CYFIP2: variants seen among roughly 807,000 people sequenced by gnomAD.
The protein encoded by CYFIP2 is cytoplasmic FMR1-interacting protein 2.
Under a neutral mutation model 158.7 loss-of-function variants are expected in CYFIP2, and 29 were observed. The ratio of observed to expected loss-of-function variants is 0.18; its 90% CI spans 0.14 to 0.25. CYFIP2 has a LOEUF of 0.25. CYFIP2 is among the 10% of genes least tolerant of loss of function. The pLI is 1.00. For synonymous variants in CYFIP2, 585 were observed against 617.6 expected (o/e 0.95, Z 0.78); for missense variants, 852 against 1,639.5 (o/e 0.52, Z 8.29).
intron 1 of CYFIP2, among the ~76,000 whole-genome samples, chr5:157,278,848 A>G (rs1756766803): frequency 6.6e-6 from 1 of 152,250 alleles, no homozygotes; most frequent in Non-Finnish European, 1.5e-5. Flanking sequence ...GGAGTCACTC[A>G]TGCTAAATGC....
intron 5 of CYFIP2, among the ~76,000 whole-genome samples, 177 bp from the exon 6 acceptor site, chr5:157,300,533 CAAAAA>C (rs72316432): frequency 8.3e-6 from 1 of 121,208 alleles, no homozygotes. Flanking sequence ...GACTCCGTCT[CAAAAA>C]AAAAAAAAAA....
At chr5:157,270,241 T>G (rs926032591) in intron 1 of CYFIP2, among the ~76,000 whole-genome samples, 3 of 152,234 alleles carry the variant, frequency 2.0e-5, no homozygotes, top group African/African-American at 7.2e-5. Flanking sequence ...TCTTAGGCTT[T>G]AATCTCTAGG....
chr5:157,355,435 A>G lies in CYFIP2; in HGVS notation c.2674-3570A>G, dbSNP rs1443392581. Among the ~76,000 whole-genome samples the G allele has an allele frequency of 3.9e-5, 6 of 152,172 alleles. 1 individual carries two copies. The highest frequency in any genetic ancestry group is 3.9e-4 in the Admixed American group (6 of 15,276). ...AGGCACCATGCTGACTGCTTTATAT[A>G]TGTGATCACATTTAAACCTCAAACA... On this transcript the variant is annotated intron_variant, in intron 23 of 30. Coordinates refer to ENST00000620254, the MANE Select transcript of CYFIP2 (RefSeq NM_001037333.3).
At chr5:157,274,197 C>T (rs186256106) in intron 1 of CYFIP2, among the ~76,000 whole-genome samples, 3 of 151,378 alleles carry the variant, frequency 2.0e-5, no homozygotes, top group Admixed American at 6.6e-5. Context: ...AACCCATAAT[C>T]GTAGTCAGTT....
chr5:157,330,909 T>C, intron 20 of CYFIP2, 59 bp downstream of exon 20: 1 of 1,352,508 alleles, frequency 7.4e-7, no homozygotes, highest in Non-Finnish European at 1.1e-6. Flanking sequence ...AGCTGCGAAG[T>C]TAGCATAGAG....
intron 3 of CYFIP2, among the ~76,000 whole-genome samples, chr5:157,290,777 TA>T (rs143585578): frequency 6.6e-6 from 1 of 152,346 alleles, no homozygotes; most frequent in African/African-American, 2.4e-5. Flanking sequence ...TAAGGTAGCT[TA>T]TTAGCAGCAA....
At chr5:157,285,161 G>T (rs1757276141) in intron 1 of CYFIP2, among the ~76,000 whole-genome samples, 178 bp from the exon 2 acceptor site, 1 of 152,204 alleles carries the variant, frequency 6.6e-6, no homozygotes, top group South Asian at 2.1e-4. Flanking sequence ...GCCATAAAGA[G>T]ATCCTGAGAT....
intron 28 of CYFIP2, 118 bp from the exon 29 acceptor site, chr5:157,389,071 C>A: frequency 1.1e-6 from 1 of 934,408 alleles, no homozygotes; most frequent in Non-Finnish European, 1.6e-6. Flanking sequence ...TGAACAAGAC[C>A]AGTTCTGGTG....
In CYFIP2 at chr5:157,319,901, T is replaced by A; in HGVS notation, c.1496T>A (p.Val499Glu). ...CTGCGTGAGCCCCTGCGGCAGGCGG[T>A]ACGGAAGAAGAAGAATGTCCTCATC... is the stretch of plus-strand genomic sequence containing the variant. ...VTLREPLRQAVRKKKNVLISV... is the reference protein window; with the variant it reads ...VTLREPLRQAERKKKNVLISV... The change falls in exon 14 of 31, where the codon GTA becomes GAA. Residue 499 changes from valine to glutamate, a missense_variant. Val to Glu is a moderately radical substitution (Grantham distance 121). Around this residue, in one of 8 missense-constraint regions of CYFIP2, gnomAD observed 167 missense variants for 343.3 expected, o/e 0.49. Transcript: ENST00000620254. The A allele has an allele frequency of 6.2e-7, 1 of 1,613,962 alleles. No individual in the cohort carries two copies. The highest frequency in any genetic ancestry group is 8.5e-7 in the Non-Finnish European group (1 of 1,179,866).
At chr5:157,291,148 A>G (rs1036265065) in intron 3 of CYFIP2, among the ~76,000 whole-genome samples, 1 of 152,240 alleles carries the variant, frequency 6.6e-6, no homozygotes, top group Admixed American at 6.5e-5. Context: ...GCCCCACCCC[A>G]TCCCCAGGGA....
At chr5:157,348,369 C>T (rs1262853892) in intron 23 of CYFIP2, among the ~76,000 whole-genome samples, 1 of 152,062 alleles carries the variant, frequency 6.6e-6, no homozygotes, top group African/African-American at 2.4e-5. Context: ...TGCCTCAGCC[C>T]CCTCAAGTAG....
intron 26 of CYFIP2, among the ~76,000 whole-genome samples, chr5:157,378,533 G>T (rs1765706863): frequency 6.6e-6 from 1 of 152,192 alleles, no homozygotes; most frequent in South Asian, 2.1e-4. Flanking sequence ...GGAAAGTCAG[G>T]CTTCCCAAGG....
At position 157,320,831 on chromosome 5, in the gene CYFIP2, C is replaced by T. The variant is rs374144435; in HGVS notation, c.1671+29C>T. 5.0e-5 allele frequency: 76 copies of T among 1,519,772 alleles called. 1 individual carries two copies. The Middle Eastern group carries it at 8.9e-4, about 18-fold the overall frequency. The allele number at this position is 1,519,772 out of a possible 1,614,324, so 94.1% of individuals were successfully genotyped here. On this transcript the variant is annotated intron_variant, in intron 15 of 30. Coordinates refer to ENST00000620254, the MANE Select transcript of CYFIP2 (RefSeq NM_001037333.3). ...AGCGGCTCCAGGCACAGGCCAGCTG[C>T]GTTGACTCAGAGGCCAGCCGGGCTA...
intron 1 of CYFIP2, among the ~76,000 whole-genome samples, chr5:157,281,515 G>A (rs74804793): frequency 0.082 from 12,526 of 152,160 alleles, 663 homozygotes; most frequent in Middle Eastern, 0.14. Context: ...TCATCTAACA[G>A]TAACAAAGTA....
At chr5:157,296,647 G>A (rs1421281886) in intron 4 of CYFIP2, 26 bp from the exon 5 acceptor site, 9 of 1,597,874 alleles carry the variant, frequency 5.6e-6, no homozygotes, top group South Asian at 2.2e-5. Flanking sequence ...AAACCAGGAT[G>A]TGTGTGTCCC....
At chr5:157,389,713 C>A in intron 29 of CYFIP2, 1 of 289,760 alleles carries the variant, frequency 3.5e-6, no homozygotes, top group Non-Finnish European at 6.4e-6. Context: ...TCTTCCTGCC[C>A]TCACCCAGCT....
chr5:157,287,029 A>G lies in CYFIP2; in HGVS notation c.128A>G (p.Asp43Gly), dbSNP rs756226998. 6.2e-7 allele frequency: 1 copy of G among 1,613,370 alleles called. No homozygotes were observed. Among genetic ancestry groups the G allele is most frequent in the Non-Finnish European group, 8.5e-7 (1 of 1,179,414 alleles). The change falls in exon 3 of 31, where the codon GAC (aspartate) becomes GGC (glycine). Residue 43 changes from aspartate (D) to glycine (G), a missense_variant. By Grantham distance (94) the Asp-to-Gly change is moderately conservative. Around this residue, in one of 8 missense-constraint regions of CYFIP2, gnomAD observed 123 missense variants for 316.7 expected, o/e 0.39. Coordinates refer to ENST00000620254, the MANE Select transcript of CYFIP2 (RefSeq NM_001037333.3). Reference sequence around the variant, plus strand: ...CCTCTAATTCCACAGGCTAACTTTGACACAAACTTTGAGGACAGGAATGCA... The same window carrying G: ...CCTCTAATTCCACAGGCTAACTTTGGCACAAACTTTGAGGACAGGAATGCA... ...PSSIMYQANF[D>G]TNFEDRNAFV...
At position 157,311,701 on chromosome 5, in the gene CYFIP2, A is replaced by G. The variant is rs1478475027; in HGVS notation, c.1030A>G (p.Asn344Asp). The change falls in exon 11 of 31, where the codon AAT becomes GAT. Residue 344 changes from asparagine to aspartate, a missense_variant. Transcript: ENST00000620254. This position sits in a 1 kb window ranked among gnomAD's most constrained non-coding sequence, Gnocchi z 4.7. ...CTQSSISPQY[N>D]ICEQMVQIRD... ...CCAGAGCAGCATCAGCCCCCAGTAC[A>G]ATATCTGCGAGCAGATGGTTCAGAT... 1 of 1,610,996 alleles carries G rather than the reference A, an allele frequency of 6.2e-7. No individual in the cohort carries two copies. Among genetic ancestry groups the G allele is most frequent in the Admixed American group, 1.7e-5 (1 of 59,636 alleles).
At chr5:157,295,226 A>G (rs1758158465) in intron 4 of CYFIP2, among the ~76,000 whole-genome samples, 1 of 152,198 alleles carries the variant, frequency 6.6e-6, no homozygotes, top group South Asian at 2.1e-4. Context: ...ACTTTGTGAC[A>G]TATTTGTCTG....
Sources: allele counts gnomAD v4.1 joint callset (sites outside exome capture counted in the v4.1 genomes callset), GRCh38; gene constraint gnomAD v4.1.1; regional missense constraint gnomAD v4.1.1; non-coding constraint Gnocchi (gnomAD v3.1); transcripts MANE v1.5; gene names NCBI Gene and HGNC (gene_info 2026-07-23, HGNC 2026-07-21).